The following SKOR1 variants were observed in gnomAD, a reference collection of about 807,000 sequenced individuals.
SKOR1 encodes the protein LBX1 corepressor 1.
In SKOR1, 38 loss-of-function variants were observed where a neutral mutation model predicts 72.4. The ratio of observed to expected loss-of-function variants is 0.52; its 90% CI spans 0.40 to 0.69. The LOEUF (loss-of-function observed/expected upper bound fraction) is 0.69, where lower values mean the gene tolerates loss of function less well. Ranked by LOEUF, SKOR1 falls within the 30% of genes least tolerant of loss-of-function variation. The probability of loss-of-function intolerance (pLI) is 0.00; values close to 1 mark genes in which losing one functional copy is unlikely to be tolerated. For missense variants in SKOR1, 1,320 were observed against 1,343.2 expected, an observed-to-expected ratio of 0.98 and a Z score of 0.27; for synonymous variants, 642 against 599.4, an observed-to-expected ratio of 1.07 and a Z score of -1.04.
Position 67,832,626 on chromosome 15 carries a change from G to A in SKOR1, c.2682G>A (p.Met894Ile), listed in dbSNP as rs1226775815. 6.2e-7 allele frequency: 1 copy of A among 1,613,984 alleles called. No homozygotes were observed. Among genetic ancestry groups the A allele is most frequent in the African/African-American group, 1.3e-5 (1 of 74,934 alleles). The change falls in exon 7 of 9, where the codon ATG becomes ATA. Residue 894 changes from methionine (M) to isoleucine (I), a missense_variant. Around this residue, in one of 3 missense-constraint regions of SKOR1, gnomAD observed 1,099 missense variants for 1,025.5 expected, o/e 1.07. Coordinates refer to ENST00000380035, the MANE Select transcript of SKOR1 (RefSeq NM_001365915.1). The surrounding 1 kb of genome is among the most constrained non-coding windows in gnomAD (Gnocchi z 4.5). ...QSLKDNFQDQMKRELAYREEM... is the reference protein window; with the variant it reads ...QSLKDNFQDQIKRELAYREEM... ...GCACAGATAATTTTCAGGATCAAAT[G>A]AAGAGGGAATTGGCTTATCGAGAAG... is the stretch of plus-strand genomic sequence containing the variant.
rs745963696 is a variant in SKOR1 at position 67,827,989 on chromosome 15, C to A, written c.2161C>A (p.Arg721Ser). The A allele has an allele frequency of 1.2e-5, 18 of 1,538,722 alleles. No homozygotes were observed. The Admixed American group carries it at 1.2e-4, about 10-fold the overall frequency. Residue 721 changes from arginine to serine, a missense_variant, in exon 2 of 9, where the codon CGC becomes AGC. Arg to Ser is a moderately radical substitution (Grantham distance 110). Coordinates refer to ENST00000380035, the MANE Select transcript of SKOR1 (RefSeq NM_001365915.1). ...CGACGGCGGCAGCCCCCGCCCCCGG[C>A]GCCGCCTCGGGCCACCCCCAGCTGG... is the stretch of plus-strand genomic sequence containing the variant. Reference protein sequence around the residue: ...SPDGGSPRPRRRLGPPPAGRP... With the variant: ...SPDGGSPRPRSRLGPPPAGRP...
chr15:67,829,859 G>T (rs1178030853), intron 3 of SKOR1, among the ~76,000 whole-genome samples: 1 of 152,224 alleles, frequency 6.6e-6, no homozygotes, highest in Non-Finnish European at 1.5e-5. Context: ...AGCAGGAGTC[G>T]GGCGGACAGA....
Position 67,827,371 on chromosome 15 carries a change from G to A in SKOR1, c.1543G>A (p.Ala515Thr), listed in dbSNP as rs868107116. 1 of 1,567,582 alleles carries A rather than the reference G, an allele frequency of 6.4e-7. No individual in the cohort carries two copies. Among genetic ancestry groups the A allele is most frequent in the African/African-American group, 1.4e-5 (1 of 71,758 alleles). The change falls in exon 2 of 9, where the codon GCA becomes ACA. Residue 515 changes from alanine (A) to threonine (T), a missense_variant. By Grantham distance (58) the Ala-to-Thr change is moderately conservative. This residue lies in a region of SKOR1 where 1,099 missense variants were observed against 1,025.5 expected (regional missense o/e 1.07). Transcript: ENST00000380035. ...TCAGAGCCAAGCCAAGGCCGTGGCG[G>A]CAGCCGTGGCGGCGGCAGCGGCGGC... ...AAQSQAKAVA[A>T]AVAAAAAAAA...
Position 67,833,588 on chromosome 15 carries a change from G to A in SKOR1, c.2804-154G>A, listed in dbSNP as rs368955097. On this transcript the variant is annotated intron_variant, in intron 8 of 8. Transcript: ENST00000380035. This position sits in a 1 kb window ranked among gnomAD's most constrained non-coding sequence, Gnocchi z 6.0. ...CCAGAGCAGTGGTTCTGAATCACCA[G>A]CTTTTGTCCTACCCTCCTGCCTCCT... 1.1e-3 allele frequency among the ~76,000 whole-genome samples: 162 copies of A among 152,290 alleles called. No homozygotes were observed. Among genetic ancestry groups the A allele is most frequent in the African/African-American group, 3.1e-3 (129 of 41,566 alleles).
rs560811440 is a variant in SKOR1 at position 67,830,029 on chromosome 15, C to T, written c.2408-162C>T. Among the ~76,000 whole-genome samples, 4 of 152,312 alleles carry T rather than the reference C, an allele frequency of 2.6e-5. No homozygotes were observed. In the South Asian group the frequency reaches 8.3e-4, roughly 32 times the overall value. On this transcript the variant is annotated intron_variant, in intron 3 of 8. Coordinates refer to ENST00000380035, the MANE Select transcript of SKOR1 (RefSeq NM_001365915.1). ...GACCAGGCGCGGGGGTGGGGGGTGCCCGGCCCAAAGCCTCAGGGCGCGCTC... is the reference window on the plus strand; with the variant it reads ...GACCAGGCGCGGGGGTGGGGGGTGCTCGGCCCAAAGCCTCAGGGCGCGCTC...
chr15:67,826,101 C>T lies in SKOR1; in HGVS notation c.273C>T (p.Val91=), dbSNP rs1269982781. The change falls in exon 2 of 9, where the codon GTC becomes GTT. Residue 91 remains valine, a synonymous_variant. Coordinates refer to ENST00000380035, the MANE Select transcript of SKOR1 (RefSeq NM_001365915.1). ...SLYGVPIVSL[V]IDGQERLCLA... ...ACGGGGTGCCCATTGTGTCGCTGGTCATCGACGGCCAGGAGCGCCTATGCC... is the reference window on the plus strand; with the variant it reads ...ACGGGGTGCCCATTGTGTCGCTGGTTATCGACGGCCAGGAGCGCCTATGCC... 1 of 1,599,458 alleles carries T rather than the reference C, an allele frequency of 6.3e-7. No individual in the cohort carries two copies. The highest frequency in any genetic ancestry group is 1.3e-5 in the African/African-American group (1 of 74,622).
chr15:67,826,389 C>T lies in SKOR1; in HGVS notation c.561C>T (p.Cys187=), dbSNP rs777090430. 6 of 1,613,898 alleles carry T rather than the reference C, an allele frequency of 3.7e-6. No individual in the cohort carries two copies. In the South Asian group the frequency reaches 4.4e-5, roughly 12 times the overall value. The change falls in exon 2 of 9, where the codon TGC becomes TGT. Residue 187 remains cysteine (C), a synonymous_variant. Coordinates refer to ENST00000380035, the MANE Select transcript of SKOR1 (RefSeq NM_001365915.1). Reference sequence around the variant, plus strand: ...TCGCCTTCGATGTGGTGCACGAGTGCGCGTGGGGCTCGCGTGGTAGCTTCA... The same window carrying T: ...TCGCCTTCGATGTGGTGCACGAGTGTGCGTGGGGCTCGCGTGGTAGCTTCA... ...ENFAFDVVHE[C]AWGSRGSFIP...
Position 67,830,269 on chromosome 15 carries a change from C to G in SKOR1, c.2486C>G (p.Ser829Cys). 2 of 1,614,152 alleles carry G rather than the reference C, an allele frequency of 1.2e-6. No individual in the cohort carries two copies. Among genetic ancestry groups the G allele is most frequent in the Non-Finnish European group, 1.7e-6 (2 of 1,180,002 alleles). ...RKSYPDQRSI[S>C]QPSPANTDRG... ...TCCTATCCAGACCAAAGGAGTATCT[C>G]CCAGCCAAGTCCTGCAAATACAGAC... The change falls in exon 4 of 9, where the codon TCC becomes TGC. Residue 829 changes from serine (S) to cysteine (C), a missense_variant. Physicochemically the swap from Ser to Cys is moderately radical, Grantham distance 112. This residue lies in a region of SKOR1 where 1,099 missense variants were observed against 1,025.5 expected (regional missense o/e 1.07). Coordinates refer to ENST00000380035, the MANE Select transcript of SKOR1 (RefSeq NM_001365915.1).
At chr15:67,829,150 A>T in intron 2 of SKOR1, 29 bp from the exon 3 acceptor site, 3 of 1,517,936 alleles carry the variant, frequency 2.0e-6, no homozygotes, top group Non-Finnish European at 2.6e-6. Context: ...GCGCCACCCT[A>T]ATCGCCTGTC....
intron 2 of SKOR1, among the ~76,000 whole-genome samples, 196 bp from the exon 3 acceptor site, chr15:67,828,983 G>A (rs2090987310): frequency 6.6e-6 from 1 of 152,202 alleles, no homozygotes; most frequent in African/African-American, 2.4e-5. Context: ...ATTTTCCCGA[G>A]GGCGCTAACA....
intron 2 of SKOR1, 53 bp from the exon 3 acceptor site, chr15:67,829,126 T>C (rs1214948029): frequency 6.8e-6 from 10 of 1,470,066 alleles, no homozygotes; most frequent in Non-Finnish European, 8.2e-6. Flanking sequence ...TGGGCGTCTT[T>C]GGGCCGCCGC....
In SKOR1 at chr15:67,830,835, T is replaced by G; in HGVS notation, c.2533T>G (p.Leu845Val). ...TATCCCAGGCGAAGATGGGCTTACC[T>G]TGGATGTCACAGGAACTCATTTGGT... The part of the protein sequence containing the change: ...NTDRGEDGLT[L>V]DVTGTHLVEK... Residue 845 changes from leucine to valine, a missense_variant, in exon 5 of 9, where the codon TTG becomes GTG. By Grantham distance (32) the Leu-to-Val change is conservative. Around this residue, in one of 3 missense-constraint regions of SKOR1, gnomAD observed 1,099 missense variants for 1,025.5 expected, o/e 1.07. Transcript: ENST00000380035. The G allele has an allele frequency of 4.3e-6, 7 of 1,614,146 alleles. No homozygotes were observed. Among genetic ancestry groups the G allele is most frequent in the Non-Finnish European group, 5.9e-6 (7 of 1,180,020 alleles).
chr15:67,829,338 G>T, intron 3 of SKOR1, 69 bp downstream of exon 3: 1 of 1,310,164 alleles, frequency 7.6e-7, no homozygotes, highest in South Asian at 1.3e-5. Context: ...GGTCAAGGAA[G>T]GCCTGCGAAG....
chr15:67,831,419 C>T (rs1459671418), intron 5 of SKOR1, among the ~76,000 whole-genome samples: 1 of 152,166 alleles, frequency 6.6e-6, no homozygotes. Context: ...TGTTACTGCT[C>T]AGCCTGTAAG....
rs747918521 is a variant in SKOR1 at position 67,833,275 on chromosome 15, C to T, written c.2803+18C>T. The T allele has an allele frequency of 1.9e-6, 3 of 1,613,750 alleles. No individual in the cohort carries two copies. The African/African-American group carries it at 4.0e-5, about 22-fold the overall frequency. ...ATTGAAAGGTGCGGAAGCCGGGAAA[C>T]AAAGATAGGAGGGGTGCTGGGTGCC... On this transcript the variant is annotated intron_variant, in intron 8 of 8. Transcript: ENST00000380035. This position sits in a 1 kb window ranked among gnomAD's most constrained non-coding sequence, Gnocchi z 6.0.
chr15:67,830,113 C>T (rs778104729), intron 3 of SKOR1, 78 bp from the exon 4 acceptor site: 18 of 1,466,992 alleles, frequency 1.2e-5, no homozygotes, highest in Middle Eastern at 1.8e-4. Context: ...GGCTGGGGCG[C>T]CCCGACCGCG....
chr15:67,828,681 A>C (rs999334071), intron 2 of SKOR1, among the ~76,000 whole-genome samples: 1 of 152,066 alleles, frequency 6.6e-6, no homozygotes, highest in Admixed American at 6.5e-5. Flanking sequence ...CGTTGCTGGG[A>C]AGCTGTCTCG....
chr15:67,826,338 C>G lies in SKOR1; in HGVS notation c.510C>G (p.His170Gln). 6 of 1,613,614 alleles carry G rather than the reference C, an allele frequency of 3.7e-6. No individual in the cohort carries two copies. The highest frequency in any genetic ancestry group is 5.1e-6 in the Non-Finnish European group (6 of 1,179,992). Residue 170 changes from histidine (H) to glutamine (Q), a missense_variant, in exon 2 of 9, where the codon CAC becomes CAG. Coordinates refer to ENST00000380035, the MANE Select transcript of SKOR1 (RefSeq NM_001365915.1). Reference sequence around the variant, plus strand: ...TGTGCAAGTCGTTCCTGGGCGAGCACAAACCACCCAAGCTGCCCGAGAACT... The same window carrying G: ...TGTGCAAGTCGTTCCTGGGCGAGCAGAAACCACCCAAGCTGCCCGAGAACT... ...ERLCKSFLGEHKPPKLPENFA... is the reference protein window; with the variant it reads ...ERLCKSFLGEQKPPKLPENFA...
rs562925434 is a variant in SKOR1, at chr15:67,826,914, G to T, written c.1086G>T (p.Gly362=). 3 of 1,558,890 alleles carry T rather than the reference G, an allele frequency of 1.9e-6. No homozygotes were observed. The highest frequency in any genetic ancestry group is 1.4e-5 in the African/African-American group (1 of 73,192). The change falls in exon 2 of 9, where the codon GGG becomes GGT. Residue 362 remains glycine (G), a synonymous_variant. Coordinates refer to ENST00000380035, the MANE Select transcript of SKOR1 (RefSeq NM_001365915.1). The stretch of plus-strand genomic sequence containing the variant: ...CTAGTGGCCCGGCGGGCCCAGGAGG[G>T]CCCGGTGGCGGCGCCGGCGTACGAA... ...TGASGPAGPG[G]PGGGAGVRSY... is the part of the protein sequence containing the mutation.
Sources: gnomAD v4.1 joint callset for allele counts (sites outside exome capture counted in the v4.1 genomes callset) on GRCh38, gnomAD v4.1.1 for gene constraint, gnomAD v4.1.1 regional missense constraint, Gnocchi (gnomAD v3.1) non-coding constraint, MANE v1.5 for transcripts, NCBI Gene and HGNC (gene_info 2026-07-23, HGNC 2026-07-21) for gene names.